Variants in SH3GL2 observed in about 807,000 individuals in gnomAD.
SH3GL2 encodes the protein SH3 domain containing GRB2 like 2, endophilin A1.
SH3GL2 carries 24 observed loss-of-function variants against 46.0 expected under a neutral mutation model. That is an observed-to-expected ratio of 0.52 (90% CI 0.38 to 0.73). SH3GL2 has a LOEUF of 0.73. SH3GL2 is among the 30% of genes least tolerant of loss of function. The pLI, the probability that SH3GL2 is intolerant of heterozygous loss-of-function variation, is 0.00. For synonymous variants in SH3GL2, 196 were observed against 147.1 expected (o/e 1.33, Z -2.40); for missense variants, 413 against 424.2 (o/e 0.97, Z 0.23).
intron 1 of SH3GL2, among the ~76,000 whole-genome samples, chr9:17,679,301 A>T (rs1183156773): frequency 6.6e-6 from 1 of 151,926 alleles, no homozygotes; most frequent in Non-Finnish European, 1.5e-5. Context: ...TTCCTCTTTT[A>T]TTTCGTTGAG....
intron 2 of SH3GL2, chr9:17,755,942 TATC>T (rs1822976234): frequency 5.8e-6 from 1 of 171,872 alleles, no homozygotes; most frequent in Non-Finnish European, 1.2e-5. Context: ...AAATAATCAG[TATC>T]ATCTATAGAT....
chr9:17,690,952 C>G (rs933169877), intron 1 of SH3GL2, among the ~76,000 whole-genome samples: 8 of 152,138 alleles, frequency 5.3e-5, no homozygotes, highest in Non-Finnish European at 8.8e-5. Context: ...ACTTCTGCAA[C>G]CTAGCCTTCA....
At chr9:17,597,423 A>G (rs1818594538) in intron 1 of SH3GL2, among the ~76,000 whole-genome samples, 1 of 152,058 alleles carries the variant, frequency 6.6e-6, no homozygotes, top group Non-Finnish European at 1.5e-5. Context: ...AGGCCGAGGC[A>G]GGAGAATCGC....
intron 3 of SH3GL2, among the ~76,000 whole-genome samples, chr9:17,765,334 C>G (rs1823286353): frequency 6.7e-6 from 1 of 148,222 alleles, no homozygotes; most frequent in African/African-American, 2.5e-5. Flanking sequence ...TAGATTACTG[C>G]TCCTGGGTGC....
At chr9:17,666,730 A>G (rs909595768) in intron 1 of SH3GL2, among the ~76,000 whole-genome samples, 20 of 152,088 alleles carry the variant, frequency 1.3e-4, no homozygotes, top group African/African-American at 4.6e-4. Flanking sequence ...CCTAGTGTAT[A>G]TATATGTTTA....
chr9:17,785,974 G>A (rs923696156), intron 3 of SH3GL2, among the ~76,000 whole-genome samples: 1 of 152,100 alleles, frequency 6.6e-6, no homozygotes, highest in Non-Finnish European at 1.5e-5. Flanking sequence ...TCCTAGAATT[G>A]AACTATAAAA....
intron 1 of SH3GL2, among the ~76,000 whole-genome samples, chr9:17,600,987 A>C (rs1284484385): frequency 2.0e-5 from 3 of 152,182 alleles, no homozygotes; most frequent in Non-Finnish European, 4.4e-5. Flanking sequence ...GTTGTTATCC[A>C]TTAGCTCAGT....
chr9:17,647,177 C>A (rs1819839555), intron 1 of SH3GL2, among the ~76,000 whole-genome samples: 2 of 152,176 alleles, frequency 1.3e-5, no homozygotes, highest in African/African-American at 4.8e-5. Context: ...GATCACATAT[C>A]TAAATTGACT....
At chr9:17,582,936 A>G (rs972735108) in intron 1 of SH3GL2, among the ~76,000 whole-genome samples, 4 of 152,060 alleles carry the variant, frequency 2.6e-5, no homozygotes, top group African/African-American at 4.8e-5. Flanking sequence ...AAATTTCCCC[A>G]TTTTGTAAGG....
intron 1 of SH3GL2, chr9:17,589,332 T>C (rs1818435579): frequency 6.6e-6 from 1 of 152,224 alleles, no homozygotes; most frequent in African/African-American, 2.4e-5. Flanking sequence ...GCCTGGCCCA[T>C]GTGCCTTTTT....
chr9:17,751,052 C>T (rs1053341562), intron 2 of SH3GL2, among the ~76,000 whole-genome samples: 3 of 152,144 alleles, frequency 2.0e-5, no homozygotes, highest in South Asian at 4.1e-4. Flanking sequence ...GAATTCTAAG[C>T]TGAGGAATAT....
At chr9:17,771,689 T>A (rs1823485353) in intron 3 of SH3GL2, among the ~76,000 whole-genome samples, 1 of 152,192 alleles carries the variant, frequency 6.6e-6, no homozygotes, top group African/African-American at 2.4e-5. Context: ...CACCCAATCT[T>A]GAGGTGGGAG....
intron 1 of SH3GL2, among the ~76,000 whole-genome samples, chr9:17,717,654 AG>A (rs1821795367): frequency 6.6e-6 from 1 of 152,150 alleles, no homozygotes; most frequent in Non-Finnish European, 1.5e-5. Context: ...GCGGGGGAAG[AG>A]AAGTTAAATG....
At chr9:17,669,749 T>G (rs748855137) in intron 1 of SH3GL2, among the ~76,000 whole-genome samples, 2 of 152,124 alleles carry the variant, frequency 1.3e-5, no homozygotes, top group Non-Finnish European at 2.9e-5. Context: ...GTCTTCCACA[T>G]TCCTCTGAGA....
At chr9:17,662,264 T>C (rs1820238392) in intron 1 of SH3GL2, among the ~76,000 whole-genome samples, 1 of 152,206 alleles carries the variant, frequency 6.6e-6, no homozygotes, top group African/African-American at 2.4e-5. Flanking sequence ...AGATGAGTTT[T>C]TACCATTAAT....
chr9:17,705,919 C>G (rs1482375999), intron 1 of SH3GL2, among the ~76,000 whole-genome samples: 1 of 151,662 alleles, frequency 6.6e-6, no homozygotes, highest in Non-Finnish European at 1.5e-5. Context: ...ATGTAACAAA[C>G]CTGCATGTGT....
chr9:17,679,876 C>A (rs148138127), intron 1 of SH3GL2, among the ~76,000 whole-genome samples: 18,632 of 151,852 alleles, frequency 0.12, 1,423 homozygotes, highest in Admixed American at 0.2. Context: ...TTCTGCATCT[C>A]TTGAGATAAT....
intron 2 of SH3GL2, among the ~76,000 whole-genome samples, chr9:17,758,731 G>T (rs1823081385): frequency 6.6e-6 from 1 of 151,572 alleles, no homozygotes; most frequent in African/African-American, 2.4e-5. Context: ...TCAAGCGAAG[G>T]TTATTTTATG....
intron 1 of SH3GL2, among the ~76,000 whole-genome samples, chr9:17,620,579 G>A (rs1170657183): frequency 6.6e-6 from 1 of 152,208 alleles, no homozygotes; most frequent in Non-Finnish European, 1.5e-5. Flanking sequence ...GACAGAAGAG[G>A]GTTGGTGCAG....
Sources: gnomAD v4.1 joint callset for allele counts (sites outside exome capture counted in the v4.1 genomes callset) on GRCh38, gnomAD v4.1.1 for gene constraint, MANE v1.5 for transcripts, NCBI Gene and HGNC (gene_info 2026-07-23, HGNC 2026-07-21) for gene names.